The following SLC43A3 variants were observed in gnomAD, a reference collection of about 807,000 sequenced individuals.
SLC43A3 encodes the protein solute carrier family 43 member 3.
In SLC43A3, 33 loss-of-function variants were observed where a neutral mutation model predicts 53.3. The observed-to-expected ratio is 0.62, with a 90% CI of 0.47 to 0.83. The LOEUF (loss-of-function observed/expected upper bound fraction) is 0.83, where lower values mean the gene tolerates loss of function less well. Ranked by LOEUF, SLC43A3 falls within the 40% of genes least tolerant of loss-of-function variation. The pLI, the probability that SLC43A3 is intolerant of heterozygous loss-of-function variation, is 0.00. For synonymous variants in SLC43A3, 236 were observed against 246.2 expected, an observed-to-expected ratio of 0.96 and a Z score of 0.39; for missense variants, 530 against 610.0, an observed-to-expected ratio of 0.87 and a Z score of 1.38.
In SLC43A3 at chr11:57,421,396, A is replaced by C. The variant is rs1942983103; in HGVS notation, c.362-23T>G. ...AGCCTGGACCATCAAAGTCAGAGGT[A>C]GGGTGGTGTCATAGTGCAACCCAAA... On this transcript the variant is annotated intron_variant, in intron 5 of 13. Coordinates refer to ENST00000395124, the MANE Select transcript of SLC43A3 (RefSeq NM_199329.3). The C allele has an allele frequency of 1.9e-6, 3 of 1,602,888 alleles. No homozygotes were observed. In the East Asian group the frequency reaches 6.7e-5, roughly 36 times the overall value.
At chr11:57,409,150 G>T (rs1217469377) in intron 13 of SLC43A3, 25 bp downstream of exon 13, 1 of 1,613,934 alleles carries the variant, frequency 6.2e-7, no homozygotes, top group East Asian at 2.2e-5. Flanking sequence ...CTCCTGCCAG[G>T]GATCCCCATC....
In SLC43A3 at chr11:57,424,805, C is replaced by T. The variant is rs189654335; in HGVS notation, c.314+736G>A. ...GAAAGGCAGGCCCAGCCAGCCCTCC[C>T]GTCTCTCTCTCTGACAGCCAATCTC... On this transcript the variant is annotated intron_variant, in intron 4 of 13. Coordinates refer to ENST00000395124, the MANE Select transcript of SLC43A3 (RefSeq NM_199329.3). Among the ~76,000 whole-genome samples the T allele has an allele frequency of 4.2e-3, 643 of 152,264 alleles. 8 individuals carry two copies. The highest frequency in any genetic ancestry group is 0.012 in the South Asian group (60 of 4,824).
intron 4 of SLC43A3, 117 bp downstream of exon 4, chr11:57,425,424 G>C (rs560509613): frequency 6.4e-4 from 669 of 1,051,542 alleles, no homozygotes; most frequent in Non-Finnish European, 8.6e-4. Context: ...GCGAGCTGCA[G>C]GTGTGGTGCC....
intron 11 of SLC43A3, 76 bp from the exon 12 acceptor site, chr11:57,410,197 G>A (rs756417222): frequency 8.3e-7 from 1 of 1,200,198 alleles, no homozygotes; most frequent in Non-Finnish European, 1.1e-6. Context: ...AAGGAAGATT[G>A]GAAAAAGGGG....
At chr11:57,423,240 A>G (rs545211505) in intron 5 of SLC43A3, among the ~76,000 whole-genome samples, 26 of 152,356 alleles carry the variant, frequency 1.7e-4, no homozygotes, top group African/African-American at 5.5e-4. Context: ...TTGGAGTTCC[A>G]GACTTAACAG....
chr11:57,421,388 T>C lies in SLC43A3; in HGVS notation c.362-15A>G, dbSNP rs1454063697. 1.2e-6 allele frequency: 2 copies of C among 1,610,086 alleles called. No homozygotes were observed. The highest frequency in any genetic ancestry group is 1.7e-5 in the Admixed American group (1 of 59,948). On this transcript the variant is annotated splice_polypyrimidine_tract_variant and intron_variant, in intron 5 of 13. Transcript: ENST00000395124. ...CACGGCTGAGCCTGGACCATCAAAG[T>C]CAGAGGTAGGGTGGTGTCATAGTGC... is the stretch of plus-strand genomic sequence containing the variant.
chr11:57,416,726 C>T, intron 8 of SLC43A3, 56 bp from the exon 9 acceptor site: 2 of 1,370,246 alleles, frequency 1.5e-6, no homozygotes, highest in Non-Finnish European at 2.1e-6. Context: ...GAACCTGAGA[C>T]TCAGACTGGA....
chr11:57,416,650 G>A lies in SLC43A3; in HGVS notation c.692C>T (p.Thr231Ile). Residue 231 changes from threonine (T) to isoleucine (I), a missense_variant, in exon 9 of 14, where the codon ACC (threonine) becomes ATC (isoleucine). By Grantham distance (89) the Thr-to-Ile change is moderately conservative. Transcript: ENST00000395124. ...AGCTGTTTCCTTCTCTTCCTTTGTG[G>A]TGCCATTCCCAGGGCACAGGCTATG... ...YSYGLCPGNG[T>I]TKEEKETAEH... 1 of 1,614,016 alleles carries A rather than the reference G, an allele frequency of 6.2e-7. No homozygotes were observed. The highest frequency in any genetic ancestry group is 1.1e-5 in the South Asian group (1 of 91,054).
intron 11 of SLC43A3, among the ~76,000 whole-genome samples, chr11:57,411,569 G>A (rs889589695): frequency 6.6e-6 from 1 of 151,912 alleles, no homozygotes; most frequent in African/African-American, 2.4e-5. Flanking sequence ...GGAGGCTGAA[G>A]GGAGAGGATC....
rs759661882 is a variant in SLC43A3 at position 57,425,670 on chromosome 11, T to C, written c.185A>G (p.Asp62Gly). 3.1e-6 allele frequency: 5 copies of C among 1,613,864 alleles called. No homozygotes were observed. Among genetic ancestry groups the C allele is most frequent in the Non-Finnish European group, 4.2e-6 (5 of 1,179,984 alleles). Residue 62 changes from aspartate to glycine, a missense_variant and splice_region_variant, in exon 4 of 14, where the codon GAC (aspartate) becomes GGC (glycine). This residue lies in a region of SLC43A3 where 376 missense variants were observed against 386.7 expected (regional missense o/e 0.97). Transcript: ENST00000395124. The part of the protein sequence containing the change: ...GPIGNATGQA[D>G]CKAQDERFSL... Reference sequence around the variant, plus strand: ...GAACCTCTCATCCTGGGCTTTGCAGTCTGGAGTAGAAAAAAGGTCTCCCAT... The same window carrying C: ...GAACCTCTCATCCTGGGCTTTGCAGCCTGGAGTAGAAAAAAGGTCTCCCAT...
intron 5 of SLC43A3, among the ~76,000 whole-genome samples, chr11:57,421,993 A>C (rs551747075): frequency 6.6e-6 from 1 of 152,236 alleles, no homozygotes; most frequent in Non-Finnish European, 1.5e-5. Context: ...ACATGCAAAC[A>C]AATGGTTATA....
intron 11 of SLC43A3, 120 bp downstream of exon 11, chr11:57,414,495 A>G: frequency 1.6e-6 from 1 of 631,854 alleles, no homozygotes; most frequent in Non-Finnish European, 2.8e-6. Flanking sequence ...CAACAGAGTA[A>G]GACTCTATCA....
At chr11:57,408,230 C>T in intron 13 of SLC43A3, 1 of 215,536 alleles carries the variant, frequency 4.6e-6, no homozygotes, top group East Asian at 1.1e-4. Context: ...TACTAGGTCA[C>T]CTGATGTCAC....
intron 9 of SLC43A3, chr11:57,415,450 G>A: frequency 7.7e-7 from 1 of 1,300,260 alleles, no homozygotes; most frequent in South Asian, 1.2e-5. Context: ...AAAGTCAGAA[G>A]GGAGAGGAGA....
At chr11:57,414,506 CAAAAAAAAAAAAAAA>C (rs397849571) in intron 11 of SLC43A3, 94 bp downstream of exon 11, 1 of 287,870 alleles carries the variant, frequency 3.5e-6, no homozygotes, top group Non-Finnish European at 6.4e-6. Flanking sequence ...GACTCTATCA[CAAAAAAAAAAAAAAA>C]AAAAAAAAAA....
intron 11 of SLC43A3, 75 bp from the exon 12 acceptor site, chr11:57,410,196 T>C (rs1317439286): frequency 8.1e-7 from 1 of 1,228,960 alleles, no homozygotes; most frequent in East Asian, 2.6e-5. Flanking sequence ...CAAGGAAGAT[T>C]GGAAAAAGGG....
At chr11:57,416,804 A>T (rs1942745916) in intron 8 of SLC43A3, 134 bp from the exon 9 acceptor site, 2 of 681,024 alleles carry the variant, frequency 2.9e-6, no homozygotes, top group Non-Finnish European at 5.2e-6. Flanking sequence ...TCTGATGCCC[A>T]GGTTGCAGAC....
At chr11:57,414,790 G>C in intron 10 of SLC43A3, 59 bp from the exon 11 acceptor site, 1 of 1,537,612 alleles carries the variant, frequency 6.5e-7, no homozygotes, top group Non-Finnish European at 9.0e-7. Context: ...CTTCCAGGCA[G>C]GGACTCTCCC....
At chr11:57,424,153 C>A (rs142866296) in intron 4 of SLC43A3, 125 bp from the exon 5 acceptor site, 47 of 905,462 alleles carry the variant, frequency 5.2e-5, no homozygotes, top group Non-Finnish European at 7.7e-5. Context: ...TGGGATGCAA[C>A]GGGCACTGAT....
Sources: allele counts gnomAD v4.1 joint callset (sites outside exome capture counted in the v4.1 genomes callset), GRCh38; gene constraint gnomAD v4.1.1; regional missense constraint gnomAD v4.1.1; transcripts MANE v1.5; gene names NCBI Gene and HGNC (gene_info 2026-07-23, HGNC 2026-07-21).